Variants in DYM observed in about 807,000 individuals in gnomAD.
DYM encodes dymeclin, also known as dyggve-Melchior-Clausen syndrome protein.
Under a neutral mutation model 93.1 loss-of-function variants are expected in DYM, and 78 were observed. The ratio of observed to expected loss-of-function variants is 0.84; its 90% CI spans 0.70 to 1.01. DYM has a LOEUF of 1.01. Among genes scored for constraint, DYM ranks in the 50% least tolerant of loss-of-function variants. The pLI is 0.00. For missense variants in DYM, 789 were observed against 845.0 expected, an observed-to-expected ratio of 0.93 and a Z score of 0.82; for synonymous variants, 321 against 319.7, an observed-to-expected ratio of 1.00 and a Z score of -0.04.
At chr18:49,411,613 C>CA (rs954428939) in intron 2 of DYM, among the ~76,000 whole-genome samples, 1 of 152,010 alleles carries the variant, frequency 6.6e-6, no homozygotes, top group African/African-American at 2.4e-5. Context: ...AGCAGATAGG[C>CA]AAAAAAATTG....
chr18:49,445,585 T>G (rs1458920218), intron 1 of DYM, among the ~76,000 whole-genome samples: 4 of 152,054 alleles, frequency 2.6e-5, no homozygotes, highest in African/African-American at 4.8e-5. Flanking sequence ...TTTAGAAGAT[T>G]TTAATATATT....
intron 15 of DYM, among the ~76,000 whole-genome samples, chr18:49,124,762 C>G (rs2082664999): frequency 6.6e-6 from 1 of 152,096 alleles, no homozygotes; most frequent in Admixed American, 6.6e-5. Flanking sequence ...CTCAAATTGG[C>G]TAACAATATA....
At chr18:49,279,140 A>C (rs537357938) in intron 10 of DYM, among the ~76,000 whole-genome samples, 10 of 152,226 alleles carry the variant, frequency 6.6e-5, no homozygotes, top group Admixed American at 3.3e-4. Context: ...CTAAAAATGT[A>C]CTATAAGAAG....
At chr18:49,198,690 A>G (rs2091721467) in intron 14 of DYM, among the ~76,000 whole-genome samples, 1 of 151,482 alleles carries the variant, frequency 6.6e-6, no homozygotes, top group East Asian at 1.9e-4. Flanking sequence ...ACCATCTCAC[A>G]CCAGTTAGAA....
At chr18:49,378,439 A>G (rs776832581) in intron 5 of DYM, 128 bp downstream of exon 5, 28 of 904,170 alleles carry the variant, frequency 3.1e-5, no homozygotes, top group Middle Eastern at 3.5e-4. Flanking sequence ...AAATGACAGT[A>G]TAAGTTCATT....
chr18:49,194,651 T>C (rs373506779), intron 14 of DYM, among the ~76,000 whole-genome samples: 3 of 152,146 alleles, frequency 2.0e-5, no homozygotes, highest in African/African-American at 7.2e-5. Context: ...TAGATCACTG[T>C]GGCAGGCTAG....
intron 2 of DYM, among the ~76,000 whole-genome samples, chr18:49,400,592 G>A (rs2070700303): frequency 6.6e-6 from 1 of 152,194 alleles, no homozygotes; most frequent in South Asian, 2.1e-4. Context: ...AACTAAAGGA[G>A]TCATAGAGCT....
At chr18:49,215,975 G>C (rs967650650) in intron 13 of DYM, among the ~76,000 whole-genome samples, 2 of 152,176 alleles carry the variant, frequency 1.3e-5, no homozygotes, top group African/African-American at 4.8e-5. Flanking sequence ...AGCGCAAGGG[G>C]TCAGGGAGTT....
intron 8 of DYM, among the ~76,000 whole-genome samples, chr18:49,315,400 T>A (rs766313114): frequency 6.6e-6 from 1 of 152,202 alleles, no homozygotes; most frequent in Non-Finnish European, 1.5e-5. Context: ...ACATCCGTAG[T>A]AAGAAAATGT....
intron 1 of DYM, among the ~76,000 whole-genome samples, chr18:49,430,703 G>A (rs917039902): frequency 2.0e-5 from 3 of 151,982 alleles, no homozygotes; most frequent in African/African-American, 4.8e-5. Context: ...TGGCCAACAC[G>A]GTGAAACCCC....
At chr18:49,408,398 T>C (rs2071777020) in intron 2 of DYM, among the ~76,000 whole-genome samples, 1 of 152,214 alleles carries the variant, frequency 6.6e-6, no homozygotes, top group Non-Finnish European at 1.5e-5. Context: ...TCTCTCCACA[T>C]ATATTTCTGA....
intron 16 of DYM, among the ~76,000 whole-genome samples, chr18:49,104,988 C>T (rs2080631084): frequency 2.0e-5 from 3 of 152,144 alleles, no homozygotes; most frequent in African/African-American, 7.2e-5. Flanking sequence ...GGAATAGTAC[C>T]AGCTCCTCTT....
intron 6 of DYM, among the ~76,000 whole-genome samples, chr18:49,345,817 T>G (rs1235621375): frequency 6.6e-6 from 1 of 152,110 alleles, no homozygotes; most frequent in Non-Finnish European, 1.5e-5. Flanking sequence ...AAAAAAATAT[T>G]TACATTCTAA....
In DYM at chr18:49,425,358, T is replaced by C. The variant is rs564779439; in HGVS notation, c.140+4897A>G. 4.6e-5 allele frequency among the ~76,000 whole-genome samples: 7 copies of C among 152,350 alleles called. No individual in the cohort carries two copies. The South Asian group carries it at 1.4e-3, about 32-fold the overall frequency. ...CTAGCCATATGTAGAAAGCTGAAAC[T>C]GGATCCCTTCCTCACACCTCATACA... On this transcript the variant is annotated intron_variant, in intron 2 of 17. Transcript: ENST00000675505.
intron 15 of DYM, among the ~76,000 whole-genome samples, chr18:49,149,334 T>C (rs1438210219): frequency 6.6e-6 from 1 of 152,092 alleles, no homozygotes; most frequent in Non-Finnish European, 1.5e-5. Flanking sequence ...ACACTTCCCT[T>C]AGATATCTAC....
intron 2 of DYM, among the ~76,000 whole-genome samples, chr18:49,419,563 T>A (rs976035956): frequency 6.6e-6 from 1 of 152,218 alleles, no homozygotes; most frequent in Non-Finnish European, 1.5e-5. Context: ...ATCAAGTACA[T>A]ACACATACAT....
At chr18:49,438,130 C>T (rs1350023518) in intron 1 of DYM, among the ~76,000 whole-genome samples, 1 of 152,192 alleles carries the variant, frequency 6.6e-6, no homozygotes, top group African/African-American at 2.4e-5. Flanking sequence ...GCCACGTCTA[C>T]ACCACTGCAC....
intron 1 of DYM, among the ~76,000 whole-genome samples, chr18:49,441,864 T>C (rs944583801): frequency 4.6e-5 from 7 of 152,058 alleles, no homozygotes; most frequent in African/African-American, 9.7e-5. Context: ...GAAAAGACTA[T>C]TATGCGTGCT....
intron 1 of DYM, among the ~76,000 whole-genome samples, chr18:49,455,735 T>C (rs1417958272): frequency 6.6e-6 from 1 of 152,112 alleles, no homozygotes; most frequent in African/African-American, 2.4e-5. Flanking sequence ...GTGGATCACC[T>C]GAGGTCAGGA....
Sources: gnomAD v4.1 joint callset for allele counts (sites outside exome capture counted in the v4.1 genomes callset) on GRCh38, gnomAD v4.1.1 for gene constraint, MANE v1.5 for transcripts, NCBI Gene and HGNC (gene_info 2026-07-23, HGNC 2026-07-21) for gene names.